The following OPHN1 variants were observed in gnomAD, a reference collection of about 807,000 sequenced individuals.
The protein encoded by OPHN1 is oligophrenin 1.
A neutral mutation model predicts 60.7 loss-of-function variants in OPHN1; 11 were observed. That is an observed-to-expected ratio of 0.18 (90% CI 0.11 to 0.30). OPHN1 has a LOEUF of 0.30. Among genes scored for constraint, OPHN1 ranks in the 10% least tolerant of loss-of-function variants. The probability of loss-of-function intolerance (pLI) is 1.00; values close to 1 mark genes in which losing one functional copy is unlikely to be tolerated. For synonymous variants in OPHN1, 226 were observed against 222.6 expected (o/e 1.02, Z -0.14); for missense variants, 449 against 611.0 (o/e 0.73, Z 2.80).
chrX:68,311,996 G>C (rs1380469756), intron 2 of OPHN1, among the ~76,000 whole-genome samples: 1 of 110,522 alleles, frequency 9.0e-6, no homozygotes, highest in Non-Finnish European at 1.9e-5. Flanking sequence ...CATTTTAAAA[G>C]CTTAAAGTCA....
chrX:68,294,949 C>T (rs1385443931), intron 3 of OPHN1, among the ~76,000 whole-genome samples: 7 of 111,933 alleles, frequency 6.3e-5, no homozygotes, highest in African/African-American at 1.3e-4. Flanking sequence ...CAATATAAAC[C>T]GCTGTTTCAT....
intron 5 of OPHN1, among the ~76,000 whole-genome samples, chrX:68,239,703 T>A (rs575067703): frequency 1.8e-5 from 2 of 112,294 alleles, no homozygotes; most frequent in South Asian, 7.4e-4. Flanking sequence ...AGTTATATAA[T>A]TATATCATCT....
chrX:68,132,739 CAA>C (rs60182364), intron 15 of OPHN1: 138 of 90,922 alleles, frequency 1.5e-3, no homozygotes, highest in East Asian at 2.4e-3. Context: ...TACTAAGTGT[CAA>C]AAAAAAAAAA....
At chrX:68,208,258 T>A (rs1286989825) in intron 9 of OPHN1, among the ~76,000 whole-genome samples, 1 of 109,833 alleles carries the variant, frequency 9.1e-6, no homozygotes. Context: ...ATCCAGCTAA[T>A]TTTTGTATTT....
At chrX:68,279,391 G>A (rs944636735) in intron 4 of OPHN1, among the ~76,000 whole-genome samples, 3 of 108,942 alleles carry the variant, frequency 2.8e-5, no homozygotes, top group Admixed American at 9.9e-5. Flanking sequence ...GATTAAAAGC[G>A]TGAGCCACCG....
chrX:68,232,740 T>A (rs755159809), intron 6 of OPHN1, among the ~76,000 whole-genome samples: 8 of 111,411 alleles, frequency 7.2e-5, no homozygotes, highest in Non-Finnish European at 1.3e-4. Flanking sequence ...TAAACAGGTC[T>A]TTCTAAGCAT....
chrX:68,264,343 T>C (rs1401501769), intron 5 of OPHN1, among the ~76,000 whole-genome samples: 1 of 111,441 alleles, frequency 9.0e-6, no homozygotes, highest in African/African-American at 3.3e-5. Context: ...GAGAAAATTT[T>C]TGCAATCTAC....
chrX:68,120,314 T>C (rs1039155210), intron 15 of OPHN1, among the ~76,000 whole-genome samples: 2 of 111,880 alleles, frequency 1.8e-5, no homozygotes, highest in African/African-American at 3.3e-5. Flanking sequence ...ATCAGAGTAA[T>C]GTTTAGCCTC....
In OPHN1 at chrX:68,048,267, G is replaced by T. The variant is rs2076838889; in HGVS notation, c.*8+149C>A. ...GAATTGAAAGTCACTAAATTTAAGG[G>T]TCAGGCAGTGATAGAGTAATGAACT... On this transcript the variant is annotated intron_variant, in intron 24 of 24. Transcript: ENST00000355520. 1.0e-5 allele frequency: 5 copies of T among 477,986 alleles called. No individual in the cohort carries two copies. The South Asian group carries it at 1.7e-4, about 16-fold the overall frequency. The allele number at this position is 477,986 out of a possible 1,213,427, so 39.4% of individuals were successfully genotyped here. A position where few individuals can be genotyped will look rare whatever the true frequency, so the allele number is the denominator to read the frequency against.
intron 6 of OPHN1, among the ~76,000 whole-genome samples, chrX:68,233,526 A>G (rs1031443729): frequency 9.0e-6 from 1 of 110,520 alleles, no homozygotes; most frequent in African/African-American, 3.3e-5. Context: ...CGGCTCTGTC[A>G]CTTTCCCCTA....
At chrX:68,132,581 G>C (rs1301036055) in intron 15 of OPHN1, among the ~76,000 whole-genome samples, 1 of 88,749 alleles carries the variant, frequency 1.1e-5, no homozygotes, top group Non-Finnish European at 2.2e-5. Context: ...GATAGCATTG[G>C]GAGATATACC....
At chrX:68,060,646 C>G (rs1156655370) in intron 21 of OPHN1, among the ~76,000 whole-genome samples, 5 of 112,242 alleles carry the variant, frequency 4.5e-5, no homozygotes, top group Non-Finnish European at 9.4e-5. Context: ...GTTAAGGCCA[C>G]TCAAATGTTA....
intron 15 of OPHN1, among the ~76,000 whole-genome samples, chrX:68,166,109 A>C (rs2077357106): frequency 8.9e-6 from 1 of 112,676 alleles, no homozygotes; most frequent in Non-Finnish European, 1.9e-5. Flanking sequence ...TTTACAAGAA[A>C]ACATATTGGT....
intron 2 of OPHN1, among the ~76,000 whole-genome samples, chrX:68,404,074 A>G (rs755222785): frequency 9.0e-6 from 1 of 110,655 alleles, no homozygotes; most frequent in South Asian, 3.9e-4. Flanking sequence ...AATAGGCTTA[A>G]TGATAACAAC....
At chrX:68,147,522 A>T (rs1369589519) in intron 15 of OPHN1, among the ~76,000 whole-genome samples, 6 of 112,076 alleles carry the variant, frequency 5.4e-5, no homozygotes. Flanking sequence ...GATGAACAGG[A>T]GATGATAAAT....
chrX:68,191,732 G>C (rs746794022), intron 15 of OPHN1, among the ~76,000 whole-genome samples: 118 of 111,880 alleles, frequency 1.1e-3, no homozygotes, highest in Middle Eastern at 4.6e-3. Flanking sequence ...TGGAAGTCTT[G>C]CTCAGCTGAA....
At chrX:68,407,210 A>G (rs1602396183) in intron 2 of OPHN1, among the ~76,000 whole-genome samples, 2 of 111,995 alleles carry the variant, frequency 1.8e-5, no homozygotes, top group Non-Finnish European at 3.8e-5. Context: ...GTCTCAAAAT[A>G]AATAAATAAA....
intron 2 of OPHN1, among the ~76,000 whole-genome samples, chrX:68,371,222 T>TC (rs1159000095): frequency 9.2e-6 from 1 of 108,758 alleles, no homozygotes; most frequent in African/African-American, 3.3e-5. Context: ...TTTCTTTCTT[T>TC]TTTTTTTTTT....
chrX:68,341,996 G>C (rs1224058233), intron 2 of OPHN1, among the ~76,000 whole-genome samples: 2 of 83,856 alleles, frequency 2.4e-5, no homozygotes, highest in African/African-American at 9.6e-5. Context: ...TTGAGACACA[G>C]TCTCACTCTG....
Sources: gnomAD v4.1 joint callset for allele counts (sites outside exome capture counted in the v4.1 genomes callset) on GRCh38, gnomAD v4.1.1 for gene constraint, MANE v1.5 for transcripts, NCBI Gene and HGNC (gene_info 2026-07-23, HGNC 2026-07-21) for gene names.